Variants in SRGAP3 observed in about 807,000 individuals in gnomAD.
The protein encoded by SRGAP3 is SLIT-ROBO Rho GTPase-activating protein 3.
A neutral mutation model predicts 121.1 loss-of-function variants in SRGAP3; 39 were observed. That is an observed-to-expected ratio of 0.32 (90% CI 0.25 to 0.42). The LOEUF is 0.42. SRGAP3 is among the 10% of genes least tolerant of loss of function. The pLI is 1.00. For synonymous variants in SRGAP3, 601 were observed against 570.0 expected (o/e 1.05, Z -0.77); for missense variants, 1,213 against 1,470.6 (o/e 0.82, Z 2.86).
chr3:9,318,314 G>A (rs533435170), intron 3 of SRGAP3, among the ~76,000 whole-genome samples: 4 of 151,786 alleles, frequency 2.6e-5, no homozygotes, highest in East Asian at 1.9e-4. Context: ...AGAATCTACC[G>A]GCTTACTACC....
intron 21 of SRGAP3, among the ~76,000 whole-genome samples, chr3:8,988,122 G>A (rs1941830083): frequency 6.6e-6 from 1 of 152,134 alleles, no homozygotes; most frequent in Non-Finnish European, 1.5e-5. Flanking sequence ...CCGAGAGGTG[G>A]CGCTGTGAGT....
chr3:9,267,461 G>A (rs762302620), intron 3 of SRGAP3, among the ~76,000 whole-genome samples: 24 of 152,178 alleles, frequency 1.6e-4, no homozygotes, highest in African/African-American at 2.7e-4. Context: ...TCTGGATGCC[G>A]TGGGGGCAGC....
chr3:9,221,234 G>A (rs1952800922), intron 1 of SRGAP3, among the ~76,000 whole-genome samples: 1 of 152,168 alleles, frequency 6.6e-6, no homozygotes, highest in Non-Finnish European at 1.5e-5. Flanking sequence ...ATTTCCCACT[G>A]CTTTCTAAAG....
chr3:9,079,728 G>A (rs1415220889), intron 4 of SRGAP3, among the ~76,000 whole-genome samples: 4 of 152,102 alleles, frequency 2.6e-5, no homozygotes, highest in Non-Finnish European at 2.9e-5. Flanking sequence ...ACACTCCCCC[G>A]GCCTTGACTT....
At chr3:9,270,196 G>T (rs971550803) in intron 3 of SRGAP3, among the ~76,000 whole-genome samples, 1 of 152,114 alleles carries the variant, frequency 6.6e-6, no homozygotes, top group African/African-American at 2.4e-5. Flanking sequence ...TTTGAAGGCT[G>T]CATAATATTA....
At chr3:9,143,198 C>T (rs150884222) in intron 1 of SRGAP3, among the ~76,000 whole-genome samples, 1 of 152,254 alleles carries the variant, frequency 6.6e-6, no homozygotes, top group Non-Finnish European at 1.5e-5. Context: ...AGGTTATATG[C>T]TCAACAGTCC....
At chr3:9,056,127 T>C (rs1223733890) in intron 8 of SRGAP3, 106 bp downstream of exon 8, 1 of 975,228 alleles carries the variant, frequency 1.0e-6, no homozygotes, top group Non-Finnish European at 1.6e-6. Context: ...TTCCATCTTA[T>C]AAGTGGAACT....
intron 11 of SRGAP3, chr3:9,036,482 G>C (rs2125104921): frequency 6.6e-6 from 1 of 152,390 alleles, no homozygotes; most frequent in South Asian, 2.1e-4. Context: ...TGGGAGGTCT[G>C]ATAAACTCAG....
At chr3:9,085,450 C>A (rs1383827119) in intron 3 of SRGAP3, among the ~76,000 whole-genome samples, 1 of 124,464 alleles carries the variant, frequency 8.0e-6, no homozygotes, top group Non-Finnish European at 1.7e-5. Flanking sequence ...ACCCAGCAAT[C>A]CCATTACTGG....
Position 8,994,372 on chromosome 3 carries a change from G to A in SRGAP3, c.2379C>T (p.Ile793=). Residue 793 remains isoleucine (I), a synonymous_variant, in exon 19 of 22, where the codon ATC becomes ATT. Transcript: ENST00000383836. ...CCTGTACAACTATGTACTGATGGGG[G>A]ATGAGTCCATCCACGCCGTTGTGCC... ...EGRHNGVDGL[I]PHQYIVVQDM... is the part of the protein sequence containing the mutation. 6.2e-7 allele frequency: 1 copy of A among 1,614,188 alleles called. No homozygotes were observed. Among genetic ancestry groups the A allele is most frequent in the Non-Finnish European group, 8.5e-7 (1 of 1,180,038 alleles).
At chr3:8,999,667 T>G (rs540980996) in intron 18 of SRGAP3, among the ~76,000 whole-genome samples, 5 of 152,310 alleles carry the variant, frequency 3.3e-5, no homozygotes, top group African/African-American at 7.2e-5. Flanking sequence ...TCATCTTCCC[T>G]GTGATGAGAG....
chr3:9,331,544 C>T (rs1246105504), intron 1 of SRGAP3, among the ~76,000 whole-genome samples: 1 of 152,212 alleles, frequency 6.6e-6, no homozygotes, highest in African/African-American at 2.4e-5. Context: ...TAATAATTCT[C>T]TCCTCGATAA....
chr3:9,000,990 T>C (rs1942724204), intron 18 of SRGAP3, among the ~76,000 whole-genome samples: 2 of 152,160 alleles, frequency 1.3e-5, no homozygotes, highest in Non-Finnish European at 2.9e-5. Context: ...TAGAAGCTCA[T>C]TCAAATAAGA....
chr3:9,077,010 C>T (rs1364760045), intron 4 of SRGAP3, among the ~76,000 whole-genome samples: 1 of 152,082 alleles, frequency 6.6e-6, no homozygotes, highest in African/African-American at 2.4e-5. Flanking sequence ...ATATGCACAA[C>T]GTGCAGGTTT....
chr3:9,117,654 G>A (rs893234856), intron 2 of SRGAP3, among the ~76,000 whole-genome samples: 1 of 152,170 alleles, frequency 6.6e-6, no homozygotes, highest in Admixed American at 6.5e-5. Context: ...CCTGGAAGGT[G>A]AGGGGTATCA....
intron 1 of SRGAP3, among the ~76,000 whole-genome samples, chr3:9,164,799 A>C (rs1950725917): frequency 6.6e-6 from 1 of 152,252 alleles, no homozygotes; most frequent in African/African-American, 2.4e-5. Context: ...CGGCGTCTAC[A>C]GTGTTCATAC....
At position 9,135,933 on chromosome 3, in the gene SRGAP3, G is replaced by C. The variant is rs943623064; in HGVS notation, c.68-11016C>G. Among the ~76,000 whole-genome samples the C allele has an allele frequency of 8.5e-5, 13 of 152,354 alleles. No homozygotes were observed. The East Asian group carries it at 9.7e-4, about 11-fold the overall frequency. Reference sequence around the variant, plus strand: ...CCCTGGGGTTGTTAAAAGGGTGAGGGGTGGTATGCGCGTGGTGCCTGGGGC... The same window carrying C: ...CCCTGGGGTTGTTAAAAGGGTGAGGCGTGGTATGCGCGTGGTGCCTGGGGC... On this transcript the variant is annotated intron_variant, in intron 1 of 21. Transcript: ENST00000383836.
chr3:9,339,428 G>C (rs760274470), intron 1 of SRGAP3, among the ~76,000 whole-genome samples: 4 of 152,186 alleles, frequency 2.6e-5, no homozygotes, highest in Non-Finnish European at 4.4e-5. Flanking sequence ...ATGCATAAAA[G>C]GGACTCAATA....
At chr3:9,208,293 C>A (rs377649325) in intron 1 of SRGAP3, among the ~76,000 whole-genome samples, 2 of 152,072 alleles carry the variant, frequency 1.3e-5, no homozygotes, top group Non-Finnish European at 2.9e-5. Flanking sequence ...GTCAAAACAT[C>A]GCAGGCAGAG....
Sources: gnomAD v4.1 joint callset for allele counts (sites outside exome capture counted in the v4.1 genomes callset) on GRCh38, gnomAD v4.1.1 for gene constraint, MANE v1.5 for transcripts, NCBI Gene and HGNC (gene_info 2026-07-23, HGNC 2026-07-21) for gene names.